Variants in DISP1 observed in about 807,000 individuals in gnomAD.
The protein encoded by DISP1 is dispatched RND transporter family member 1, also known as protein dispatched homolog 1.
DISP1 carries 30 observed loss-of-function variants against 37.3 expected under a neutral mutation model. That is an observed-to-expected ratio of 0.80 (90% CI 0.60 to 1.09). The LOEUF is 1.09. DISP1 is among the 50% of genes least tolerant of loss of function. The probability of loss-of-function intolerance (pLI) is 0.00; values close to 1 mark genes in which losing one functional copy is unlikely to be tolerated. For missense variants in DISP1, 1,598 were observed against 1,879.5 expected (o/e 0.85, Z 2.77); for synonymous variants, 634 against 690.2 (o/e 0.92, Z 1.28).
intron 2 of DISP1, among the ~76,000 whole-genome samples, chr1:222,940,355 A>C (rs1674291967): frequency 6.6e-6 from 1 of 152,028 alleles, no homozygotes; most frequent in African/African-American, 2.4e-5. Flanking sequence ...AAACAACCAG[A>C]TCTCAGGAGA....
intron 1 of DISP1, among the ~76,000 whole-genome samples, chr1:222,816,679 A>G (rs751138179): frequency 6.6e-6 from 1 of 152,224 alleles, no homozygotes; most frequent in Non-Finnish European, 1.5e-5. Flanking sequence ...ACACAGTTAT[A>G]ACGTCCTTAT....
intron 2 of DISP1, among the ~76,000 whole-genome samples, chr1:222,939,828 G>A (rs1346667377): frequency 1.4e-5 from 2 of 144,062 alleles, no homozygotes; most frequent in Non-Finnish European, 3.0e-5. Context: ...TGGAGATCCT[G>A]TCAAAAAAAA....
chr1:222,994,022 C>T (rs1247128721), intron 7 of DISP1, among the ~76,000 whole-genome samples: 2 of 152,120 alleles, frequency 1.3e-5, no homozygotes, highest in Non-Finnish European at 2.9e-5. Flanking sequence ...TAAAATTAAT[C>T]TTCTTTGTTT....
intron 1 of DISP1, among the ~76,000 whole-genome samples, chr1:222,880,649 G>A (rs1670222343): frequency 6.6e-6 from 1 of 152,102 alleles, no homozygotes; most frequent in South Asian, 2.1e-4. Flanking sequence ...TCAAAGAGTG[G>A]GCAACATTTT....
intron 1 of DISP1, among the ~76,000 whole-genome samples, chr1:222,921,107 C>T (rs1345884764): frequency 3.9e-5 from 6 of 152,072 alleles, no homozygotes; most frequent in Non-Finnish European, 8.8e-5. Flanking sequence ...CTCAGGAGTT[C>T]GAGACCACCC....
intron 1 of DISP1, among the ~76,000 whole-genome samples, chr1:222,863,555 G>A (rs922321117): frequency 6.6e-6 from 1 of 151,290 alleles, no homozygotes; most frequent in Non-Finnish European, 1.5e-5. Context: ...AAAAAAATCT[G>A]TGGGGAGATC....
chr1:222,981,113 T>C (rs1677802265), intron 3 of DISP1, among the ~76,000 whole-genome samples: 1 of 152,352 alleles, frequency 6.6e-6, no homozygotes, highest in South Asian at 2.1e-4. Flanking sequence ...CTGTTCTTAG[T>C]GGAAACTCAG....
At chr1:222,840,583 A>G (rs1212746002) in intron 1 of DISP1, among the ~76,000 whole-genome samples, 2 of 110,398 alleles carry the variant, frequency 1.8e-5, no homozygotes, top group Admixed American at 1.1e-4. Flanking sequence ...TTTTTCCCTG[A>G]GACAGTTTTG....
chr1:222,895,071 GA>G (rs1671171571), intron 1 of DISP1, among the ~76,000 whole-genome samples: 1 of 152,176 alleles, frequency 6.6e-6, no homozygotes, highest in African/African-American at 2.4e-5. Context: ...AGGATGGGTA[GA>G]AATACAGATG....
intron 1 of DISP1, among the ~76,000 whole-genome samples, chr1:222,903,219 G>A (rs914674065): frequency 2.4e-4 from 35 of 147,482 alleles, no homozygotes; most frequent in Non-Finnish European, 4.6e-4. Context: ...AACACCACAT[G>A]TTCTCACTCA....
chr1:222,949,756 A>G (rs917964088), intron 3 of DISP1, among the ~76,000 whole-genome samples: 3 of 152,080 alleles, frequency 2.0e-5, no homozygotes, highest in Non-Finnish European at 1.5e-5. Flanking sequence ...CCTCCTGAGC[A>G]GTTGGGATTA....
chr1:222,986,791 C>T (rs899041763), intron 4 of DISP1, among the ~76,000 whole-genome samples: 5 of 152,148 alleles, frequency 3.3e-5, no homozygotes, highest in Admixed American at 6.5e-5. Context: ...GCAGCTAGTA[C>T]AGCAGTAGGG....
chr1:222,884,730 AT>A (rs1180407727), intron 1 of DISP1, among the ~76,000 whole-genome samples: 1 of 152,172 alleles, frequency 6.6e-6, no homozygotes, highest in Non-Finnish European at 1.5e-5. Context: ...TAAAGTTACT[AT>A]TTTTCCCTTC....
chr1:222,964,965 A>G (rs1335775717), intron 3 of DISP1, among the ~76,000 whole-genome samples: 1 of 151,964 alleles, frequency 6.6e-6, no homozygotes, highest in African/African-American at 2.4e-5. Flanking sequence ...TTCTGTCACA[A>G]CTTAGTCCTC....
At chr1:222,954,567 C>T (rs1043211606) in intron 3 of DISP1, among the ~76,000 whole-genome samples, 1 of 152,130 alleles carries the variant, frequency 6.6e-6, no homozygotes, top group East Asian at 1.9e-4. Flanking sequence ...AACTTATAGT[C>T]TAGAAGGAGA....
intron 1 of DISP1, among the ~76,000 whole-genome samples, chr1:222,850,266 A>G (rs12734196): frequency 0.12 from 17,582 of 151,978 alleles, 1,397 homozygotes; most frequent in Non-Finnish European, 0.16. Flanking sequence ...CCTCTTGATT[A>G]TGATTATTAT....
At chr1:222,950,332 T>A (rs1370681617) in intron 3 of DISP1, among the ~76,000 whole-genome samples, 1 of 152,204 alleles carries the variant, frequency 6.6e-6, no homozygotes, top group African/African-American at 2.4e-5. Context: ...CCAGGCGCAG[T>A]GGCTCACGCT....
intron 2 of DISP1, among the ~76,000 whole-genome samples, chr1:222,938,760 A>AAGGAAGGAAGG (rs545002309): frequency 1.8e-4 from 19 of 104,580 alleles, no homozygotes; most frequent in Admixed American, 5.5e-4. Context: ...AAAAAAAAAA[A>AAGGAAGGAAGG]AAGGAAGGAA....
chr1:222,957,324 C>T (rs1675681624), intron 3 of DISP1, among the ~76,000 whole-genome samples: 1 of 152,252 alleles, frequency 6.6e-6, no homozygotes, highest in Middle Eastern at 3.4e-3. Flanking sequence ...CACAGTGGCT[C>T]ACGCCTGTAA....
Sources: gnomAD v4.1 joint callset for allele counts (sites outside exome capture counted in the v4.1 genomes callset) on GRCh38, gnomAD v4.1.1 for gene constraint, MANE v1.5 for transcripts, NCBI Gene and HGNC (gene_info 2026-07-23, HGNC 2026-07-21) for gene names.